The following MYO16 variants were observed in gnomAD, a reference collection of about 807,000 sequenced individuals.
The protein encoded by MYO16 is unconventional myosin-XVI.
MYO16 carries 94 observed loss-of-function variants against 205.3 expected under a neutral mutation model. That is an observed-to-expected ratio of 0.46 (90% confidence interval 0.39 to 0.54). The LOEUF (loss-of-function observed/expected upper bound fraction) is 0.54, where lower values mean the gene tolerates loss of function less well. Ranked by LOEUF, MYO16 falls within the 20% of genes least tolerant of loss-of-function variation. The pLI is 0.00. For synonymous variants in MYO16, 988 were observed against 954.0 expected, an observed-to-expected ratio of 1.04 and a Z score of -0.66; for missense variants, 2,315 against 2,387.5, an observed-to-expected ratio of 0.97 and a Z score of 0.63.
Position 109,055,684 on chromosome 13 carries a change from T to G in MYO16, c.3335+89T>G. ...ACACTATTGTAGCAAGGGTCTTCTG[T>G]TGTCTTTTTTGGCACTGCTTTTGTT... On this transcript the variant is annotated intron_variant, in intron 27 of 34. Coordinates refer to ENST00000457511, the MANE Select transcript of MYO16 (RefSeq NM_001198950.3). This position sits in a 1 kb window ranked among gnomAD's most constrained non-coding sequence, Gnocchi z 5.0. 8.4e-7 allele frequency: 1 copy of G among 1,192,818 alleles called. No individual in the cohort carries two copies. Among genetic ancestry groups the G allele is most frequent in the Non-Finnish European group, 1.2e-6 (1 of 834,024 alleles). 73.9% of individuals were successfully genotyped at this position (1,192,818 alleles called of 1,614,324 possible). A position where few individuals can be genotyped will look rare whatever the true frequency, so the allele number is the denominator to read the frequency against.
In MYO16 at chr13:108,962,433, T is replaced by A. The variant is rs758273175; in HGVS notation, c.2165T>A (p.Met722Lys). ...GCTGATTTAATTTTAGTGGCTGGAATGTTACAAGTATCAACAGATGAATTG... is the reference window on the plus strand; with the variant it reads ...GCTGATTTAATTTTAGTGGCTGGAAAGTTACAAGTATCAACAGATGAATTG... Reference protein sequence around the residue: ...DLQLLEQVAGMLQVSTDELAS... With the variant: ...DLQLLEQVAGKLQVSTDELAS... The change falls in exon 19 of 35, where the codon ATG becomes AAG. Residue 722 changes from methionine (M) to lysine (K), a missense_variant. Around this residue, in one of 3 missense-constraint regions of MYO16, gnomAD observed 1,213 missense variants for 1,274.4 expected, o/e 0.95. Transcript: ENST00000457511. 1 of 1,603,262 alleles carries A rather than the reference T, an allele frequency of 6.2e-7. No individual in the cohort carries two copies.
At chr13:108,685,608 G>A (rs1046345392) in intron 2 of MYO16, among the ~76,000 whole-genome samples, 1 of 152,098 alleles carries the variant, frequency 6.6e-6, no homozygotes, top group Non-Finnish European at 1.5e-5. Context: ...AGGCTGGGAG[G>A]GCCTTCAAAT....
chr13:108,601,941 C>A (rs1043877004), intron 1 of MYO16, among the ~76,000 whole-genome samples: 3 of 151,988 alleles, frequency 2.0e-5, no homozygotes, highest in African/African-American at 7.2e-5. Context: ...CAACCAAATT[C>A]ATATGTTGAA....
chr13:108,736,690 G>A (rs1594251484), intron 4 of MYO16, among the ~76,000 whole-genome samples: 2 of 152,164 alleles, frequency 1.3e-5, no homozygotes, highest in East Asian at 1.9e-4. Context: ...AGAGTCATTG[G>A]TAGCTTGATG....
rs200804572 is a variant in MYO16, at chr13:108,844,471, G to A, written c.1226G>A (p.Ser409Asn). 1.2e-4 allele frequency: 201 copies of A among 1,610,734 alleles called. No individual in the cohort carries two copies. The highest frequency in any genetic ancestry group is 3.5e-5 in the Non-Finnish European group (41 of 1,177,658). The change falls in exon 10 of 35, where the codon AGC (serine) becomes AAC (asparagine). Residue 409 changes from serine to asparagine, a missense_variant. Physicochemically the swap from Ser to Asn is conservative, Grantham distance 46. Coordinates refer to ENST00000457511, the MANE Select transcript of MYO16 (RefSeq NM_001198950.3). The stretch of plus-strand genomic sequence containing the variant: ...AGCATCCCTGAAAACCCCATGATGA[G>A]CGGTTCCACCAAACCCGAGCAGGTA... ...QDSIPENPMM[S>N]GSTKPEQVKL...
At chr13:108,543,616 T>C in the MYO16 span, among the ~76,000 whole-genome samples, 67 of 128,904 alleles carry the variant, frequency 5.2e-4, no homozygotes, top group Non-Finnish European at 7.0e-4. Flanking sequence ...CACTCCAGCC[T>C]GGGCGACAGA....
At chr13:109,148,857 TGATGGGTG>T (rs1408811755) in intron 32 of MYO16, among the ~76,000 whole-genome samples, 3 of 152,098 alleles carry the variant, frequency 2.0e-5, no homozygotes. Flanking sequence ...TAGAGGCGGA[TGATGGGTG>T]GATGGAGCTC....
At chr13:108,678,829 G>A (rs1444611674) in intron 2 of MYO16, among the ~76,000 whole-genome samples, 3 of 152,146 alleles carry the variant, frequency 2.0e-5, no homozygotes, top group Non-Finnish European at 4.4e-5. Context: ...AAATACCACA[G>A]GCCCAGTGGC....
chr13:108,994,326 CACACACACAT>C (rs1034735694), intron 21 of MYO16, among the ~76,000 whole-genome samples: 2 of 146,420 alleles, frequency 1.4e-5, no homozygotes, highest in African/African-American at 5.1e-5. Flanking sequence ...TACACACACA[CACACACACAT>C]ATATATATAT....
At position 109,141,203 on chromosome 13, in the gene MYO16, C is replaced by T. The variant is rs1251001925; in HGVS notation, c.4991C>T (p.Ala1664Val). ...AAGATCCCATATTCCCCCGTGAAGGCCACCAGGGCGGACGCCAGGAAGGCC... is the reference window on the plus strand; with the variant it reads ...AAGATCCCATATTCCCCCGTGAAGGTCACCAGGGCGGACGCCAGGAAGGCC... ...FPKIPYSPVK[A>V]TRADARKAGS... Residue 1664 changes from alanine to valine, a missense_variant, in exon 32 of 35, where the codon GCC (alanine) becomes GTC (valine). By Grantham distance (64) the Ala-to-Val change is moderately conservative. Around this residue, in one of 3 missense-constraint regions of MYO16, gnomAD observed 1,097 missense variants for 1,092.0 expected, o/e 1.00. Transcript: ENST00000457511. The surrounding 1 kb of genome is among the most constrained non-coding windows in gnomAD (Gnocchi z 4.1). The T allele has an allele frequency of 1.9e-6, 3 of 1,607,252 alleles. No individual in the cohort carries two copies. The highest frequency in any genetic ancestry group is 3.4e-5 in the Admixed American group (2 of 59,642).
the MYO16 span, among the ~76,000 whole-genome samples, chr13:108,586,354 TA>T: frequency 0.027 from 4,051 of 152,234 alleles, 169 homozygotes; most frequent in African/African-American, 0.091. Flanking sequence ...TTTTAAAAAA[TA>T]TATTTTTTCA....
chr13:108,555,791 C>G, the MYO16 span, among the ~76,000 whole-genome samples: 2 of 152,196 alleles, frequency 1.3e-5, no homozygotes, highest in Non-Finnish European at 2.9e-5. Flanking sequence ...TTATTCTACT[C>G]TCTACTTCAG....
chr13:108,761,460 A>G (rs551587971), intron 4 of MYO16, among the ~76,000 whole-genome samples: 2 of 105,032 alleles, frequency 1.9e-5, no homozygotes, highest in Non-Finnish European at 4.4e-5. Flanking sequence ...GGGGAGAAGG[A>G]ACACCTGTTA....
chr13:108,769,486 T>C (rs1475204301), intron 4 of MYO16, among the ~76,000 whole-genome samples: 1 of 152,108 alleles, frequency 6.6e-6, no homozygotes, highest in Non-Finnish European at 1.5e-5. Context: ...CTGGGGATCA[T>C]GGTGGATTTT....
chr13:108,837,433 T>A (rs1263396333), intron 9 of MYO16, among the ~76,000 whole-genome samples: 1 of 152,224 alleles, frequency 6.6e-6, no homozygotes, highest in Non-Finnish European at 1.5e-5. Context: ...TTATTGTTAG[T>A]GGTATATCTT....
At chr13:108,965,267 G>GTAACT (rs1417985123) in intron 20 of MYO16, among the ~76,000 whole-genome samples, 3 of 152,296 alleles carry the variant, frequency 2.0e-5, no homozygotes, top group African/African-American at 7.2e-5. Context: ...AATTTGTGGA[G>GTAACT]TAACTCATGC....
At chr13:108,842,482 T>C (rs1340025781) in intron 9 of MYO16, among the ~76,000 whole-genome samples, 4 of 152,206 alleles carry the variant, frequency 2.6e-5, no homozygotes, top group South Asian at 4.1e-4. Flanking sequence ...AAAGAAGATA[T>C]ACAATTTTGT....
intron 1 of MYO16, among the ~76,000 whole-genome samples, chr13:108,606,146 A>G (rs1320073042): frequency 2.6e-5 from 4 of 152,340 alleles, no homozygotes; most frequent in Middle Eastern, 3.4e-3. Context: ...AGCAGAGCAT[A>G]AAAGTTTGGA....
At chr13:108,920,216 G>A (rs1262264500) in intron 16 of MYO16, among the ~76,000 whole-genome samples, 5 of 152,158 alleles carry the variant, frequency 3.3e-5, no homozygotes. Context: ...CTGCTTCTGT[G>A]TCTGGACAAG....
Sources: allele counts gnomAD v4.1 joint callset (sites outside exome capture counted in the v4.1 genomes callset), GRCh38; gene constraint gnomAD v4.1.1; regional missense constraint gnomAD v4.1.1; non-coding constraint Gnocchi (gnomAD v3.1); transcripts MANE v1.5; gene names NCBI Gene and HGNC (gene_info 2026-07-23, HGNC 2026-07-21).